The following IL33 variants were observed in gnomAD, a reference collection of about 807,000 sequenced individuals.
IL33 encodes interleukin-33.
A neutral mutation model predicts 27.3 loss-of-function variants in IL33; 37 were observed. That is an observed-to-expected ratio of 1.36 (90% CI 1.04 to 1.78). The LOEUF (loss-of-function observed/expected upper bound fraction) is 1.78. IL33 is among the 40% of genes most tolerant of loss of function. The pLI is 0.00. For synonymous variants in IL33, 132 were observed against 102.9 expected (o/e 1.28, Z -1.71); for missense variants, 406 against 311.4 (o/e 1.30, Z -2.29).
intron 2 of IL33, among the ~76,000 whole-genome samples, chr9:6,249,559 A>C (rs1816208999): frequency 6.6e-6 from 1 of 152,244 alleles, no homozygotes; most frequent in Non-Finnish European, 1.5e-5. Flanking sequence ...AAAATGAAAT[A>C]ATTACTGAAT....
intron 1 of IL33, among the ~76,000 whole-genome samples, chr9:6,239,188 A>C (rs1369958202): frequency 1.3e-5 from 2 of 152,192 alleles, no homozygotes; most frequent in Non-Finnish European, 2.9e-5. Flanking sequence ...CTTCTGTGTA[A>C]TCAGCAAATT....
chr9:6,217,347 T>C (rs1246439349), intron 1 of IL33, among the ~76,000 whole-genome samples: 4 of 152,162 alleles, frequency 2.6e-5, no homozygotes, highest in East Asian at 1.9e-4. Context: ...AACTCCTAAC[T>C]TGGTGGTCTT....
rs781370345 is a variant in IL33 at position 6,256,205 on chromosome 9, A to T, written c.*37A>T. On this transcript the variant is annotated 3_prime_UTR_variant, in exon 8 of 8. Coordinates refer to ENST00000682010, the MANE Select transcript of IL33 (RefSeq NM_033439.4). Reference sequence around the variant, plus strand: ...CTGTGAGTCTTGGGTTGAGTACCCAAATGCTACCACTGGAGAAGGAATGAG... The same window carrying T: ...CTGTGAGTCTTGGGTTGAGTACCCATATGCTACCACTGGAGAAGGAATGAG... 1.2e-5 allele frequency: 17 copies of T among 1,443,656 alleles called. No individual in the cohort carries two copies. The highest frequency in any genetic ancestry group is 1.7e-5 in the Non-Finnish European group (17 of 1,027,714). 89.4% of individuals were successfully genotyped at this position (1,443,656 alleles called of 1,614,324 possible). A position where few individuals can be genotyped will look rare whatever the true frequency, so the allele number is the denominator to read the frequency against.
At chr9:6,246,186 C>T (rs1490029478) in intron 2 of IL33, among the ~76,000 whole-genome samples, 4 of 145,896 alleles carry the variant, frequency 2.7e-5, no homozygotes, top group Admixed American at 6.9e-5. Flanking sequence ...AAGATAAAGA[C>T]ATTTTTTATT....
intron 2 of IL33, among the ~76,000 whole-genome samples, 196 bp from the exon 3 acceptor site, chr9:6,250,278 A>T (rs1482387199): frequency 6.6e-6 from 1 of 152,208 alleles, no homozygotes; most frequent in Admixed American, 6.5e-5. Flanking sequence ...CTGGGGTGCT[A>T]CATATGTGCA....
chr9:6,221,890 AAC>A (rs1341957336), intron 1 of IL33, among the ~76,000 whole-genome samples: 1 of 152,216 alleles, frequency 6.6e-6, no homozygotes, highest in African/African-American at 2.4e-5. Context: ...AGAGGTGTTT[AAC>A]AGAGTCTTTT....
chr9:6,245,174 G>A (rs982383000), intron 2 of IL33, among the ~76,000 whole-genome samples: 2 of 152,178 alleles, frequency 1.3e-5, no homozygotes, highest in Non-Finnish European at 2.9e-5. Flanking sequence ...CAATATGGGA[G>A]CCTTGGGATA....
intron 2 of IL33, among the ~76,000 whole-genome samples, chr9:6,246,095 A>T (rs1819831004): frequency 8.8e-6 from 1 of 114,234 alleles, no homozygotes. Context: ...AAAAAAAAAA[A>T]AAGAATTGGG....
intron 1 of IL33, among the ~76,000 whole-genome samples, chr9:6,236,631 G>A (rs1217683152): frequency 1.3e-5 from 2 of 152,244 alleles, no homozygotes; most frequent in South Asian, 2.1e-4. Context: ...ACTTTGGGAG[G>A]CTGAGGCAGG....
chr9:6,248,246 T>C (rs1006767436), intron 2 of IL33, among the ~76,000 whole-genome samples: 1,619 of 136,442 alleles, frequency 0.012, 14 homozygotes, highest in African/African-American at 0.043. Context: ...TTTTCTTTTT[T>C]TTTTTTTTTT....
At chr9:6,244,054 A>G (rs1394194341) in intron 2 of IL33, among the ~76,000 whole-genome samples, 1 of 152,158 alleles carries the variant, frequency 6.6e-6, no homozygotes, top group Non-Finnish European at 1.5e-5. Context: ...CTCTCATAAA[A>G]AGTACATTTT....
At chr9:6,216,396 C>G (rs910758040) in intron 1 of IL33, among the ~76,000 whole-genome samples, 1 of 152,156 alleles carries the variant, frequency 6.6e-6, no homozygotes, top group African/African-American at 2.4e-5. Context: ...CTAATGCTTA[C>G]TCAAGACAAA....
intron 1 of IL33, among the ~76,000 whole-genome samples, chr9:6,235,394 G>T (rs764772535): frequency 5.7e-4 from 87 of 152,082 alleles, no homozygotes; most frequent in Non-Finnish European, 5.9e-4. Flanking sequence ...AAAGATTTAT[G>T]TATAAACTAT....
chr9:6,241,590 T>C (rs1272219771), intron 1 of IL33, 94 bp from the exon 2 acceptor site: 1 of 649,254 alleles, frequency 1.5e-6, no homozygotes, highest in Non-Finnish European at 2.7e-6. Context: ...CTCTATATGG[T>C]TATGTTACCA....
Position 6,236,297 on chromosome 9 carries a change from A to G in IL33, c.-11-5387A>G, listed in dbSNP as rs181985726. Among the ~76,000 whole-genome samples the G allele has an allele frequency of 6.4e-4, 98 of 152,316 alleles. No homozygotes were observed. In the East Asian group the frequency reaches 9.1e-3, roughly 14 times the overall value. ...GCAGTATGATTCTATTTTTTAAATAAAAGAGATGTGTATAATTTTTTACAT... is the reference window on the plus strand; with the variant it reads ...GCAGTATGATTCTATTTTTTAAATAGAAGAGATGTGTATAATTTTTTACAT... On this transcript the variant is annotated intron_variant, in intron 1 of 7. Coordinates refer to ENST00000682010, the MANE Select transcript of IL33 (RefSeq NM_033439.4).
chr9:6,241,072 C>A (rs566529329), intron 1 of IL33, among the ~76,000 whole-genome samples: 66 of 152,236 alleles, frequency 4.3e-4, no homozygotes, highest in African/African-American at 1.5e-3. Context: ...ATATCTTGCC[C>A]TACTGGAAGT....
chr9:6,247,176 GA>G (rs148563781), intron 2 of IL33, among the ~76,000 whole-genome samples: 3,098 of 152,160 alleles, frequency 0.02, 113 homozygotes, highest in African/African-American at 0.07. Context: ...AAGAGTGAGA[GA>G]AGAAAAAAAG....
In IL33 at chr9:6,256,046, G is replaced by T; in HGVS notation, c.691G>T (p.Glu231Ter). Residue 231 changes from glutamate (E) to a stop codon, truncating the protein, a stop_gained, in exon 8 of 8, where the codon GAA (glutamate) becomes TAA (stop). Transcript: ENST00000682010. LOFTEE classifies it low-confidence loss of function (END_TRUNC). ...HNMHSNCVSF[E>*]CKTDPGVFIG... ...TATGCACTCCAACTGTGTTTCATTT[G>T]AATGCAAGACTGATCCTGGAGTGTT... is the stretch of plus-strand genomic sequence containing the variant. The T allele has an allele frequency of 6.2e-7, 1 of 1,613,586 alleles. No individual in the cohort carries two copies. Among genetic ancestry groups the T allele is most frequent in the Non-Finnish European group, 8.5e-7 (1 of 1,179,606 alleles).
rs1356894275 is a variant in IL33, at chr9:6,253,619, G to T, written c.520+17G>T. On this transcript the variant is annotated intron_variant, in intron 6 of 7. Coordinates refer to ENST00000682010, the MANE Select transcript of IL33 (RefSeq NM_033439.4). ...ATGAATCAGGTAATTTGGAGGGCTG[G>T]GTAGCTGTAGTGCTTGAATTCTTAA... The T allele has an allele frequency of 6.3e-7, 1 of 1,594,432 alleles. No individual in the cohort carries two copies. Among genetic ancestry groups the T allele is most frequent in the Admixed American group, 1.7e-5 (1 of 58,920 alleles).
Sources: gnomAD v4.1 joint callset for allele counts (sites outside exome capture counted in the v4.1 genomes callset) on GRCh38, gnomAD v4.1.1 for gene constraint, MANE v1.5 for transcripts, NCBI Gene and HGNC (gene_info 2026-07-23, HGNC 2026-07-21) for gene names.